MFGE8: variants seen among roughly 807,000 people sequenced by gnomAD.
MFGE8 encodes the protein lactadherin.
Under a neutral mutation model 42.6 loss-of-function variants are expected in MFGE8, and 34 were observed. The ratio of observed to expected loss-of-function variants is 0.80; its 90% CI spans 0.61 to 1.06. The LOEUF is 1.06. Ranked by LOEUF, MFGE8 falls within the 50% of genes least tolerant of loss-of-function variation. The pLI is 0.00. For missense variants in MFGE8, 510 were observed against 516.9 expected, an observed-to-expected ratio of 0.99 and a Z score of 0.13; for synonymous variants, 230 against 214.8, an observed-to-expected ratio of 1.07 and a Z score of -0.62.
At chr15:88,907,709 C>T (rs980429841) in intron 2 of MFGE8, among the ~76,000 whole-genome samples, 3 of 150,940 alleles carry the variant, frequency 2.0e-5, no homozygotes, top group African/African-American at 7.3e-5. Context: ...AGTAGAGTCC[C>T]CCCCGCCAGG....
In MFGE8 at chr15:88,900,199, G is replaced by A. The variant is rs1359661637; in HGVS notation, c.871-388C>T. On this transcript the variant is annotated intron_variant, in intron 6 of 7. Coordinates refer to ENST00000268150, the MANE Select transcript of MFGE8 (RefSeq NM_005928.4). ...GGAGGTTGCGGTGAGCCGAGATGGCGCCACTGCACTCCAGCCTGGGTGACA... is the reference window on the plus strand; with the variant it reads ...GGAGGTTGCGGTGAGCCGAGATGGCACCACTGCACTCCAGCCTGGGTGACA... 2.0e-5 allele frequency among the ~76,000 whole-genome samples: 3 copies of A among 149,526 alleles called. No homozygotes were observed. In the East Asian group the frequency reaches 5.9e-4, roughly 30 times the overall value.
intron 3 of MFGE8, 23 bp downstream of exon 3, chr15:88,907,172 C>A: frequency 6.2e-7 from 1 of 1,607,516 alleles, no homozygotes; most frequent in Non-Finnish European, 8.5e-7. Flanking sequence ...ATTGCCCCGC[C>A]CCAGGGCCAT....
Position 88,901,001 on chromosome 15 carries a change from A to T in MFGE8, c.870+550T>A, listed in dbSNP as rs1409433222. 1.1e-4 allele frequency among the ~76,000 whole-genome samples: 6 copies of T among 57,000 alleles called. No homozygotes were observed. The Admixed American group carries it at 1.2e-3, about 12-fold the overall frequency. The allele number at this position is 57,000 out of a possible 152,430, so 37.4% of individuals were successfully genotyped here. A position where few individuals can be genotyped will look rare whatever the true frequency, so the allele number is the denominator to read the frequency against. On this transcript the variant is annotated intron_variant, in intron 6 of 7. Transcript: ENST00000268150. ...CACACACACACATTCACACACACAC[A>T]TTCACACACACACACACATTCTCAC...
At chr15:88,908,894 C>T (rs944391007) in intron 2 of MFGE8, among the ~76,000 whole-genome samples, 1 of 152,156 alleles carries the variant, frequency 6.6e-6, no homozygotes, top group Admixed American at 6.5e-5. Flanking sequence ...TGGCTCAAGC[C>T]CCCCGCCCCC....
At position 88,899,762 on chromosome 15, in the gene MFGE8, GC is replaced by G; in HGVS notation, c.919del (p.Ala307ProfsTer66). The G allele has an allele frequency of 1.2e-6, 2 of 1,614,132 alleles. No individual in the cohort carries two copies. The highest frequency in any genetic ancestry group is 1.7e-6 in the Non-Finnish European group (2 of 1,180,000). On this transcript the variant is annotated frameshift_variant, in exon 7 of 8. Transcript: ENST00000268150. LOFTEE classifies it high-confidence loss of function. This position sits in a 1 kb window ranked among gnomAD's most constrained non-coding sequence, Gnocchi z 6.8. ...KEVTGIITQG[A>X]RNFGSVQFVA... Reference sequence around the variant, plus strand: ...AAACTGGACAGAGCCAAAGTTACGGGCCCCCTGGGTGATGATGCCTGTCACC... The same window carrying G: ...AAACTGGACAGAGCCAAAGTTACGGGCCCCTGGGTGATGATGCCTGTCACC...
chr15:88,901,347 A>ACC lies in MFGE8; in HGVS notation c.870+202_870+203dup, dbSNP rs1898418949. The stretch of plus-strand genomic sequence containing the variant: ...CACACACACACACATACACACACAC[A>ACC]CCCTTTCTCCACCTTGGTGGAAGCA... On this transcript the variant is annotated intron_variant, in intron 6 of 7. Coordinates refer to ENST00000268150, the MANE Select transcript of MFGE8 (RefSeq NM_005928.4). Among the ~76,000 whole-genome samples the ACC allele has an allele frequency of 2.0e-5, 3 of 152,172 alleles. No homozygotes were observed. The South Asian group carries it at 6.2e-4, about 32-fold the overall frequency.
chr15:88,910,194 G>C, intron 1 of MFGE8: 1 of 408,198 alleles, frequency 2.4e-6, no homozygotes, highest in Non-Finnish European at 4.6e-6. Context: ...GACAATGGCA[G>C]TGGTGCTGGG....
Position 88,898,932 on chromosome 15 carries a change from G to A in MFGE8, c.*463C>T, listed in dbSNP as rs1023560660. ...GGGCCACAGCAGTTGTGGCCACATG[G>A]TACCCCAGGGCCGACGCAGGGCCGA... On this transcript the variant is annotated 3_prime_UTR_variant, in exon 8 of 8. Transcript: ENST00000268150. 2.5e-5 allele frequency: 6 copies of A among 240,480 alleles called. No homozygotes were observed. The highest frequency in any genetic ancestry group is 4.1e-5 in the Non-Finnish European group (5 of 120,752). The allele number at this position is 240,480 out of a possible 1,614,324, so 14.9% of individuals were successfully genotyped here.
intron 5 of MFGE8, chr15:88,904,018 A>T (rs1281207043): frequency 6.6e-6 from 1 of 152,208 alleles, no homozygotes; most frequent in Non-Finnish European, 1.5e-5. Context: ...TCAGGCCCCC[A>T]GTCAAAGGCC....
chr15:88,901,263 G>A (rs768468629), intron 6 of MFGE8, among the ~76,000 whole-genome samples: 5 of 97,852 alleles, frequency 5.1e-5, no homozygotes, highest in East Asian at 2.8e-4. Flanking sequence ...GCATTCACAC[G>A]CACGCATTCA....
rs375965450 is a variant in MFGE8, at chr15:88,901,566, G to A, written c.855C>T (p.Asn285=). Residue 285 remains asparagine, a synonymous_variant, in exon 6 of 8, where the codon AAC becomes AAT. Coordinates refer to ENST00000268150, the MANE Select transcript of MFGE8 (RefSeq NM_005928.4). ...GCTGACCCACCTGCAGCCACTGATC[G>A]TTACCGTAGCTCCCCGCAACCCAGG... ...FNAWVAGSYG[N]DQWLQVDLGS... The A allele has an allele frequency of 9.7e-5, 152 of 1,574,088 alleles. No individual in the cohort carries two copies. The highest frequency in any genetic ancestry group is 4.1e-4 in the African/African-American group (30 of 73,304).
At chr15:88,908,019 A>T (rs34136284) in intron 2 of MFGE8, among the ~76,000 whole-genome samples, 2 of 152,100 alleles carry the variant, frequency 1.3e-5, no homozygotes, top group African/African-American at 4.8e-5. Context: ...CACAAATGCC[A>T]TTCTGCTTTC....
rs1190027601 is a variant in MFGE8, at chr15:88,903,012, A to G, written c.686-1277T>C. 6.6e-6 allele frequency: 1 copy of G among 152,180 alleles called. No homozygotes were observed. Among genetic ancestry groups the G allele is most frequent in the East Asian group, 1.9e-4 (1 of 5,192 alleles). 9.4% of individuals were successfully genotyped at this position (152,180 alleles called of 1,614,324 possible). A position where few individuals can be genotyped will look rare whatever the true frequency, so the allele number is the denominator to read the frequency against. ...GACAATGCCTGCTGATGGTACCATC[A>G]TCTCCTGATGGTGATGCACCAGGGA... On this transcript the variant is annotated intron_variant, in intron 5 of 7. Transcript: ENST00000268150. This position sits in a 1 kb window ranked among gnomAD's most constrained non-coding sequence, Gnocchi z 4.9.
At position 88,907,340 on chromosome 15, in the gene MFGE8, A is replaced by G. The variant is rs774913192; in HGVS notation, c.242T>C (p.Ile81Thr). Residue 81 changes from isoleucine (I) to threonine (T), a missense_variant, in exon 3 of 8, where the codon ATT (isoleucine) becomes ACT (threonine). By Grantham distance (89) the Ile-to-Thr change is moderately conservative. Transcript: ENST00000268150. ...VEPLGLENGN[I>T]ANSQIAASSV... Reference sequence around the variant, plus strand: ...CGAGGCGGCGATCTGTGAGTTGGCAATGTTCCCATTCTCCAGGCCCAGTGG... The same window carrying G: ...CGAGGCGGCGATCTGTGAGTTGGCAGTGTTCCCATTCTCCAGGCCCAGTGG... The G allele has an allele frequency of 2.5e-6, 4 of 1,614,186 alleles. No homozygotes were observed. Among genetic ancestry groups the G allele is most frequent in the Non-Finnish European group, 3.4e-6 (4 of 1,180,020 alleles).
In MFGE8 at chr15:88,903,220, C is replaced by T. The variant is rs1228161857; in HGVS notation, c.686-1485G>A. On this transcript the variant is annotated intron_variant, in intron 5 of 7. Coordinates refer to ENST00000268150, the MANE Select transcript of MFGE8 (RefSeq NM_005928.4). This position sits in a 1 kb window ranked among gnomAD's most constrained non-coding sequence, Gnocchi z 4.9. Reference sequence around the variant, plus strand: ...ATCTGCTTCTAGTGGTTCATACCCTCCTCACTCTCAGCCTCCCCAGGAAGT... The same window carrying T: ...ATCTGCTTCTAGTGGTTCATACCCTTCTCACTCTCAGCCTCCCCAGGAAGT... 1 of 152,356 alleles carries T rather than the reference C, an allele frequency of 6.6e-6. No individual in the cohort carries two copies. The highest frequency in any genetic ancestry group is 1.9e-4 in the East Asian group (1 of 5,192). 9.4% of individuals were successfully genotyped at this position (152,356 alleles called of 1,614,324 possible). A position where few individuals can be genotyped will look rare whatever the true frequency, so the allele number is the denominator to read the frequency against.
rs146809851 is a variant in MFGE8 at position 88,913,323 on chromosome 15, G to A, written c.-4C>T. The A allele has an allele frequency of 0.046, 66,192 of 1,435,558 alleles. 1,885 individuals carry two copies. The highest frequency in any genetic ancestry group is 0.052 in the Non-Finnish European group (57,359 of 1,105,556). 88.9% of individuals were successfully genotyped at this position (1,435,558 alleles called of 1,614,324 possible). The stretch of plus-strand genomic sequence containing the variant: ...CCAGCAGGCGGGGGCGCGGCATGCT[G>A]CGGGGACGCGGGCGCTGGAATGGGC... On this transcript the variant is annotated 5_prime_UTR_variant, in exon 1 of 8. Transcript: ENST00000268150.
intron 1 of MFGE8, among the ~76,000 whole-genome samples, chr15:88,911,654 C>A (rs188267645): frequency 6.6e-6 from 1 of 151,714 alleles, no homozygotes; most frequent in African/African-American, 2.4e-5. Context: ...ATGAACCCAG[C>A]GGGCGAAGCT....
chr15:88,912,690 C>T, intron 1 of MFGE8: 1 of 985,390 alleles, frequency 1.0e-6, no homozygotes, highest in Non-Finnish European at 1.2e-6. Context: ...CTCCTCGAAG[C>T]CTCTGGGTCC....
In MFGE8 at chr15:88,906,512, C is replaced by T; in HGVS notation, c.540+114G>A. 1 of 1,252,446 alleles carries T rather than the reference C, an allele frequency of 8.0e-7. No individual in the cohort carries two copies. The highest frequency in any genetic ancestry group is 2.3e-5 in the East Asian group (1 of 43,048). 77.6% of individuals were successfully genotyped at this position (1,252,446 alleles called of 1,614,324 possible). ...AGAAGCCAAGATGCACCCGAAGACCCACATCATAGCCAATCACCTAGGGTT... is the reference window on the plus strand; with the variant it reads ...AGAAGCCAAGATGCACCCGAAGACCTACATCATAGCCAATCACCTAGGGTT... On this transcript the variant is annotated intron_variant, in intron 4 of 7. Transcript: ENST00000268150. The surrounding 1 kb of genome is among the most constrained non-coding windows in gnomAD (Gnocchi z 4.2).
Sources: allele counts gnomAD v4.1 joint callset (sites outside exome capture counted in the v4.1 genomes callset), GRCh38; gene constraint gnomAD v4.1.1; non-coding constraint Gnocchi (gnomAD v3.1); transcripts MANE v1.5; gene names NCBI Gene and HGNC (gene_info 2026-07-23, HGNC 2026-07-21).